DHX30: variants seen among roughly 807,000 people sequenced by gnomAD.
The protein encoded by DHX30 is ATP-dependent RNA helicase DHX30.
A neutral mutation model predicts 116.9 loss-of-function variants in DHX30; 4 were observed. That is an observed-to-expected ratio of 0.03 (90% CI 0.02 to 0.08). The LOEUF (loss-of-function observed/expected upper bound fraction) is 0.08. DHX30 is among the 10% of genes least tolerant of loss of function. The probability of loss-of-function intolerance (pLI) is 1.00; values close to 1 mark genes in which losing one functional copy is unlikely to be tolerated. For synonymous variants in DHX30, 697 were observed against 651.7 expected, an observed-to-expected ratio of 1.07 and a Z score of -1.06; for missense variants, 871 against 1,595.1, an observed-to-expected ratio of 0.55 and a Z score of 7.73.
chr3:47,846,389 T>G lies in DHX30; in HGVS notation c.1317T>G (p.His439Gln). Residue 439 changes from histidine to glutamine, a missense_variant, in exon 11 of 22, where the codon CAT becomes CAG. Transcript: ENST00000445061. ...CCCCCCAGCTACCTGTGGACCCACA[T>G]CGGGACACCATCCTCAACGCCATTG... ...QEAPQLPVDPHRDTILNAIEQ... is the reference protein window; with the variant it reads ...QEAPQLPVDPQRDTILNAIEQ... 6.2e-7 allele frequency: 1 copy of G among 1,614,032 alleles called. No individual in the cohort carries two copies. The highest frequency in any genetic ancestry group is 1.1e-5 in the South Asian group (1 of 91,090).
rs1031391979 is a variant in DHX30, at chr3:47,847,362, C to T, written c.2005+14C>T. 9.9e-6 allele frequency: 16 copies of T among 1,614,130 alleles called. No individual in the cohort carries two copies. The African/African-American group carries it at 1.6e-4, about 16-fold the overall frequency. On this transcript the variant is annotated intron_variant, in intron 12 of 21. Transcript: ENST00000445061. The surrounding 1 kb of genome is among the most constrained non-coding windows in gnomAD (Gnocchi z 5.5). ...GCGGGGAACCAGGTGGGTGCCTCCC[C>T]ATCTGTCCCATGCTAGCCCTGGCCA...
At chr3:47,849,391 C>T in intron 19 of DHX30, 42 bp downstream of exon 19, 1 of 1,587,642 alleles carries the variant, frequency 6.3e-7, no homozygotes, top group South Asian at 1.1e-5. Flanking sequence ...AGGTCCCAGC[C>T]TCCTTCCCTG....
chr3:47,848,087 TC>T lies in DHX30; in HGVS notation c.2287-91del. 1.3e-6 allele frequency: 2 copies of T among 1,586,296 alleles called. No homozygotes were observed. The highest frequency in any genetic ancestry group is 1.7e-6 in the Non-Finnish European group (2 of 1,159,966). On this transcript the variant is annotated intron_variant, in intron 14 of 21. Transcript: ENST00000445061. This position sits in a 1 kb window ranked among gnomAD's most constrained non-coding sequence, Gnocchi z 9.4. ...GGCCGCGCTTGTGGGGTCTCAGTGT[TC>T]CTGATGTAGGGGGCTGGTGAGGGTT...
At chr3:47,834,846 A>G (rs760764905) in intron 6 of DHX30, among the ~76,000 whole-genome samples, 5 of 152,194 alleles carry the variant, frequency 3.3e-5, no homozygotes, top group Admixed American at 6.5e-5. Context: ...TTGTTTCCGT[A>G]TCTTGACTGT....
In DHX30 at chr3:47,806,128, C is replaced by T. The variant is rs539542176; in HGVS notation, c.-28+708C>T. 3.4e-5 allele frequency among the ~76,000 whole-genome samples: 5 copies of T among 148,220 alleles called. No individual in the cohort carries two copies. In the East Asian group the frequency reaches 6.1e-4, roughly 18 times the overall value. On this transcript the variant is annotated intron_variant, in intron 2 of 21. Transcript: ENST00000445061. ...TGCCTCAGCCTCATGCCACCAAGCC[C>T]GGCTAATTTTTTTGTATTTTTTTTT...
At position 47,846,386 on chromosome 3, in the gene DHX30, A is replaced by C. The variant is rs1410573981; in HGVS notation, c.1314A>C (p.Pro438=). 4 of 1,613,940 alleles carry C rather than the reference A, an allele frequency of 2.5e-6. No individual in the cohort carries two copies. The highest frequency in any genetic ancestry group is 1.7e-5 in the Admixed American group (1 of 60,012). The change falls in exon 11 of 22, where the codon CCA becomes CCC. Residue 438 remains proline, a synonymous_variant. Coordinates refer to ENST00000445061, the MANE Select transcript of DHX30 (RefSeq NM_138615.3). ...AGGCCCCCCAGCTACCTGTGGACCC[A>C]CATCGGGACACCATCCTCAACGCCA... The part of the protein sequence containing the change: ...WQEAPQLPVD[P]HRDTILNAIE...
chr3:47,821,674 C>T (rs1228329292), intron 4 of DHX30, among the ~76,000 whole-genome samples: 1 of 152,170 alleles, frequency 6.6e-6, no homozygotes, highest in Non-Finnish European at 1.5e-5. Context: ...TGTCGGCTCA[C>T]TGCAACCTCC....
Position 47,849,574 on chromosome 3 carries a change from G to A in DHX30, c.3191+20G>A, listed in dbSNP as rs1053571787. ...TAACAGGTGAGGGCATGCAGGCCTG[G>A]ATGGGGCAGCTGGGATGGTCCAAAA... On this transcript the variant is annotated intron_variant, in intron 20 of 21. Transcript: ENST00000445061. 2 of 1,613,800 alleles carry A rather than the reference G, an allele frequency of 1.2e-6. No homozygotes were observed. Among genetic ancestry groups the A allele is most frequent in the Non-Finnish European group, 8.5e-7 (1 of 1,179,704 alleles).
At chr3:47,835,194 A>G (rs1282016784) in intron 6 of DHX30, among the ~76,000 whole-genome samples, 2 of 122,104 alleles carry the variant, frequency 1.6e-5, no homozygotes, top group Non-Finnish European at 3.3e-5. Context: ...TTTTTTTGAC[A>G]TGGAGGTTCG....
At chr3:47,817,493 G>A (rs1478302192) in intron 3 of DHX30, among the ~76,000 whole-genome samples, 1 of 152,222 alleles carries the variant, frequency 6.6e-6, no homozygotes, top group Non-Finnish European at 1.5e-5. Context: ...AGGCTGGTAA[G>A]TGTGCGTCTG....
rs1372493928 is a variant in DHX30, at chr3:47,817,903, A to T, written c.29-119A>T. 1.0e-5 allele frequency: 8 copies of T among 771,882 alleles called. No homozygotes were observed. In the East Asian group the frequency reaches 1.7e-4, roughly 16 times the overall value. 47.8% of individuals were successfully genotyped at this position (771,882 alleles called of 1,614,324 possible). On this transcript the variant is annotated intron_variant, in intron 3 of 21. Transcript: ENST00000445061. ...CTCAGAACCTGTGGCTGCTCCCAGC[A>T]CTGTCCAGCAGCCCTGTTGCCCAGA...
chr3:47,846,153 C>T lies in DHX30; in HGVS notation c.1093-12C>T. 1 of 1,596,570 alleles carries T rather than the reference C, an allele frequency of 6.3e-7. No homozygotes were observed. The highest frequency in any genetic ancestry group is 8.6e-7 in the Non-Finnish European group (1 of 1,168,754). ...TCTTTTTCATTGTTTTGCTTGCCTC[C>T]CTGCCCTCCAGTACCCTGTGGAGAG... On this transcript the variant is annotated splice_polypyrimidine_tract_variant and intron_variant, in intron 10 of 21. Coordinates refer to ENST00000445061, the MANE Select transcript of DHX30 (RefSeq NM_138615.3).
At chr3:47,815,805 A>G (rs138062588) in intron 3 of DHX30, among the ~76,000 whole-genome samples, 125 of 151,354 alleles carry the variant, frequency 8.3e-4, no homozygotes, top group African/African-American at 3.0e-3. Flanking sequence ...CACTGGATCA[A>G]TAGCAAGAAT....
intron 6 of DHX30, among the ~76,000 whole-genome samples, chr3:47,839,981 G>A (rs934439120): frequency 6.1e-5 from 9 of 146,498 alleles, no homozygotes; most frequent in Non-Finnish European, 9.0e-5. Context: ...GTCTGGCTAC[G>A]TATTTTTTTT....
intron 6 of DHX30, among the ~76,000 whole-genome samples, chr3:47,834,611 A>G (rs1287345862): frequency 1.3e-5 from 2 of 151,916 alleles, no homozygotes; most frequent in African/African-American, 4.8e-5. Flanking sequence ...CTGAGACTGC[A>G]GGTGTGCGCC....
At chr3:47,840,502 G>C (rs1393231920) in intron 6 of DHX30, among the ~76,000 whole-genome samples, 2 of 151,802 alleles carry the variant, frequency 1.3e-5, no homozygotes, top group Non-Finnish European at 2.9e-5. Flanking sequence ...TGGGCGTTGT[G>C]GTGCATGCCT....
chr3:47,842,618 A>G (rs2037430993), intron 8 of DHX30: 1 of 152,464 alleles, frequency 6.6e-6, no homozygotes, highest in African/African-American at 2.4e-5. Flanking sequence ...TCGTGGCCGA[A>G]AGAATTTTGA....
In DHX30 at chr3:47,850,113, A is replaced by G; in HGVS notation, c.3578A>G (p.Asp1193Gly). 6.3e-7 allele frequency: 1 copy of G among 1,588,668 alleles called. No homozygotes were observed. Among genetic ancestry groups the G allele is most frequent in the Non-Finnish European group, 8.5e-7 (1 of 1,170,204 alleles). ...AGCTTTGATGTGCGCAAGACAGCTG[A>G]CGACTGAGCCCTGCTTCTGCTGGGG... ...CGSFDVRKTA[D>G]D The change falls in exon 22 of 22, where the codon GAC (aspartate) becomes GGC (glycine). Residue 1193 changes from aspartate to glycine, a missense_variant. Around this residue, in one of 13 missense-constraint regions of DHX30, gnomAD observed 52 missense variants for 50.1 expected, o/e 1.04. Transcript: ENST00000445061.
At chr3:47,812,060 T>C (rs2035814598) in intron 3 of DHX30, among the ~76,000 whole-genome samples, 1 of 48,754 alleles carries the variant, frequency 2.1e-5, no homozygotes, top group African/African-American at 8.2e-5. Flanking sequence ...CAAGACTCAG[T>C]CTCAAAAAAA....
Sources: gnomAD v4.1 joint callset for allele counts (sites outside exome capture counted in the v4.1 genomes callset) on GRCh38, gnomAD v4.1.1 for gene constraint, gnomAD v4.1.1 regional missense constraint, Gnocchi (gnomAD v3.1) non-coding constraint, MANE v1.5 for transcripts, NCBI Gene and HGNC (gene_info 2026-07-23, HGNC 2026-07-21) for gene names.